Variants in IGFBP2 observed in about 807,000 individuals in gnomAD.
The protein encoded by IGFBP2 is insulin-like growth factor-binding protein 2.
Under a neutral mutation model 26.2 loss-of-function variants are expected in IGFBP2, and 12 were observed. The observed-to-expected ratio is 0.46, with a 90% CI of 0.29 to 0.74. The LOEUF (loss-of-function observed/expected upper bound fraction) is 0.74. IGFBP2 is among the 30% of genes least tolerant of loss of function. The pLI, the probability that IGFBP2 is intolerant of heterozygous loss-of-function variation, is 0.09. For synonymous variants in IGFBP2, 189 were observed against 200.6 expected (o/e 0.94, Z 0.49); for missense variants, 328 against 441.2 (o/e 0.74, Z 2.30).
intron 2 of IGFBP2, chr2:216,661,319 G>C (rs1365519168): frequency 3.7e-6 from 1 of 269,640 alleles, no homozygotes; most frequent in Non-Finnish European, 7.2e-6. Context: ...GTCCAGGCTG[G>C]TCTCAAACTC....
At chr2:216,644,015 C>G (rs771037775) in intron 1 of IGFBP2, among the ~76,000 whole-genome samples, 31 of 152,238 alleles carry the variant, frequency 2.0e-4, no homozygotes, top group Non-Finnish European at 3.4e-4. Context: ...TTTCCCTCCC[C>G]CTTCTCTGGC....
chr2:216,644,436 T>G (rs1697672517), intron 1 of IGFBP2, among the ~76,000 whole-genome samples: 1 of 152,124 alleles, frequency 6.6e-6, no homozygotes, highest in Admixed American at 6.5e-5. Flanking sequence ...TTCAAGGAAC[T>G]GAGCTCTCTG....
intron 1 of IGFBP2, among the ~76,000 whole-genome samples, chr2:216,638,824 C>T (rs991721256): frequency 4.0e-5 from 6 of 151,218 alleles, no homozygotes; most frequent in African/African-American, 9.7e-5. Context: ...CTCAGCCTCC[C>T]GAGTAGTTGG....
At chr2:216,636,178 T>G (rs1003823517) in intron 1 of IGFBP2, among the ~76,000 whole-genome samples, 10 of 151,626 alleles carry the variant, frequency 6.6e-5, no homozygotes, top group African/African-American at 2.2e-4. Context: ...TGGGTCCGAG[T>G]TGGGTGGGGC....
intron 1 of IGFBP2, among the ~76,000 whole-genome samples, chr2:216,651,966 T>C (rs1268301097): frequency 6.6e-6 from 1 of 152,070 alleles, no homozygotes; most frequent in Non-Finnish European, 1.5e-5. Context: ...TTTGCTATGT[T>C]GGCCAGGCTG....
Position 216,664,158 on chromosome 2 carries a change from G to A in IGFBP2, c.*54G>A, listed in dbSNP as rs1688713724. Reference sequence around the variant, plus strand: ...TGCCCCCCGCCCCTCTCCAAACACCGGCAGAAAACGGAGAGTGCTTGGGTG... The same window carrying A: ...TGCCCCCCGCCCCTCTCCAAACACCAGCAGAAAACGGAGAGTGCTTGGGTG... On this transcript the variant is annotated 3_prime_UTR_variant, in exon 4 of 4. Transcript: ENST00000233809. This position sits in a 1 kb window ranked among gnomAD's most constrained non-coding sequence, Gnocchi z 4.6. 6 of 1,410,434 alleles carry A rather than the reference G, an allele frequency of 4.3e-6. No homozygotes were observed. The highest frequency in any genetic ancestry group is 5.7e-6 in the Non-Finnish European group (6 of 1,049,118). 87.4% of individuals were successfully genotyped at this position (1,410,434 alleles called of 1,614,324 possible). A position where few individuals can be genotyped will look rare whatever the true frequency, so the allele number is the denominator to read the frequency against.
intron 1 of IGFBP2, among the ~76,000 whole-genome samples, chr2:216,643,070 G>C (rs1453295354): frequency 6.6e-6 from 1 of 152,200 alleles, no homozygotes; most frequent in East Asian, 1.9e-4. Flanking sequence ...AGTCATCAAA[G>C]CCAGTGAGGG....
At chr2:216,657,983 C>T (rs997304506) in intron 1 of IGFBP2, among the ~76,000 whole-genome samples, 2 of 152,076 alleles carry the variant, frequency 1.3e-5, no homozygotes, top group Admixed American at 6.5e-5. Flanking sequence ...TTAATTCCCT[C>T]CCCTTTTTGA....
intron 1 of IGFBP2, among the ~76,000 whole-genome samples, chr2:216,641,019 G>A (rs754743438): frequency 1.1e-4 from 16 of 152,174 alleles, no homozygotes; most frequent in Non-Finnish European, 2.4e-4. Context: ...CATATTGACC[G>A]GGGTTGGTTC....
chr2:216,644,443 T>C (rs917805159), intron 1 of IGFBP2, among the ~76,000 whole-genome samples: 1 of 152,124 alleles, frequency 6.6e-6, no homozygotes, highest in African/African-American at 2.4e-5. Context: ...AACTGAGCTC[T>C]CTGAGCCAGG....
At chr2:216,648,416 G>A (rs544344055) in intron 1 of IGFBP2, among the ~76,000 whole-genome samples, 1 of 152,260 alleles carries the variant, frequency 6.6e-6, no homozygotes, top group Admixed American at 6.5e-5. Flanking sequence ...CAGGAGCCCA[G>A]GGCTAGGTTC....
At chr2:216,650,027 G>GAAC (rs1697788896) in intron 1 of IGFBP2, among the ~76,000 whole-genome samples, 1 of 152,218 alleles carries the variant, frequency 6.6e-6, no homozygotes, top group African/African-American at 2.4e-5. Context: ...CACCTCTCTT[G>GAAC]AAAAGAAGAG....
intron 1 of IGFBP2, among the ~76,000 whole-genome samples, chr2:216,657,491 C>A (rs1697940954): frequency 6.6e-6 from 1 of 151,710 alleles, no homozygotes; most frequent in Non-Finnish European, 1.5e-5. Context: ...AGGGTGTGGA[C>A]CTGGTGGCGC....
intron 1 of IGFBP2, among the ~76,000 whole-genome samples, chr2:216,637,916 C>G (rs1697531528): frequency 6.6e-6 from 1 of 152,254 alleles, no homozygotes; most frequent in Non-Finnish European, 1.5e-5. Context: ...GGGCCGGTCG[C>G]ATTGGCTCAT....
chr2:216,641,971 G>A lies in IGFBP2; in HGVS notation c.442+8006G>A, dbSNP rs1697624860. Among the ~76,000 whole-genome samples, 3 of 142,052 alleles carry A rather than the reference G, an allele frequency of 2.1e-5. No individual in the cohort carries two copies. The Admixed American group carries it at 2.2e-4, about 10-fold the overall frequency. 93.2% of individuals were successfully genotyped at this position (142,052 alleles called of 152,430 possible). ...TCCCAAAGTGCTGATGATTACAGGC[G>A]TGAGCCATGGTGCCCGACCAGGCTT... On this transcript the variant is annotated intron_variant, in intron 1 of 3. Transcript: ENST00000233809.
At chr2:216,657,605 T>C (rs1432268131) in intron 1 of IGFBP2, among the ~76,000 whole-genome samples, 2 of 151,888 alleles carry the variant, frequency 1.3e-5, no homozygotes, top group Admixed American at 1.3e-4. Flanking sequence ...TCTGGGTCCC[T>C]GGGTGTCTGC....
intron 1 of IGFBP2, 102 bp downstream of exon 1, chr2:216,634,067 G>T: frequency 2.1e-6 from 3 of 1,426,162 alleles, no homozygotes; most frequent in Non-Finnish European, 2.8e-6. Context: ...CGGCAGAGCC[G>T]AGACCTTGGA....
At chr2:216,633,279 G>C (rs574861345), upstream of IGFBP2, 1 of 153,936 alleles carries the variant, frequency 6.5e-6, no homozygotes, top group African/African-American at 2.4e-5. Context: ...CGCGGAGGTG[G>C]GCGAGCGGGC....
At chr2:216,660,532 T>C (rs763729061) in intron 1 of IGFBP2, 25 bp from the exon 2 acceptor site, 1 of 1,558,452 alleles carries the variant, frequency 6.4e-7, no homozygotes, top group African/African-American at 1.4e-5. Context: ...GACCTGGAGC[T>C]TTTCTTCCCT....
Sources: gnomAD v4.1 joint callset for allele counts (sites outside exome capture counted in the v4.1 genomes callset) on GRCh38, gnomAD v4.1.1 for gene constraint, Gnocchi (gnomAD v3.1) non-coding constraint, MANE v1.5 for transcripts, NCBI Gene and HGNC (gene_info 2026-07-23, HGNC 2026-07-21) for gene names.